ZNF484: variants seen among roughly 807,000 people sequenced by gnomAD.
The protein encoded by ZNF484 is zinc finger protein 484, also known as KRAB box containing C2H2 type zinc finger bA526D8.4.
A neutral mutation model predicts 12.9 loss-of-function variants in ZNF484; 11 were observed. The ratio of observed to expected loss-of-function variants is 0.85; its 90% CI spans 0.54 to 1.41. ZNF484 has a LOEUF of 1.41. Ranked by LOEUF, ZNF484 falls within the 40% of genes most tolerant of loss-of-function variation. The pLI is 0.00. For missense variants in ZNF484, 807 were observed against 1,007.7 expected, an observed-to-expected ratio of 0.80 and a Z score of 2.70; for synonymous variants, 289 against 334.1, an observed-to-expected ratio of 0.86 and a Z score of 1.47.
chr9:92,846,456 T>A lies in ZNF484; in HGVS notation c.2331A>T (p.Ile777=), dbSNP rs758300005. Residue 777 remains isoleucine, a synonymous_variant, in exon 5 of 5, where the codon ATA becomes ATT. Coordinates refer to ENST00000375495, the MANE Select transcript of ZNF484 (RefSeq NM_031486.4). Reference sequence around the variant, plus strand: ...TGAAGGCCTTTCCACACTCAGCACATATATATGGTTTCTCTCCTGTGTGAA... The same window carrying A: ...TGAAGGCCTTTCCACACTCAGCACAAATATATGGTTTCTCTCCTGTGTGAA... ...HRIHTGEKPY[I]CAECGKAFTI... The A allele has an allele frequency of 6.2e-7, 1 of 1,614,070 alleles. No individual in the cohort carries two copies. The highest frequency in any genetic ancestry group is 2.2e-5 in the East Asian group (1 of 44,868).
intron 2 of ZNF484, among the ~76,000 whole-genome samples, chr9:92,865,593 C>G (rs941625736): frequency 2.6e-5 from 4 of 152,152 alleles, no homozygotes; most frequent in African/African-American, 9.7e-5. Context: ...CTTTGCAAAG[C>G]TGTATGACAT....
intron 2 of ZNF484, among the ~76,000 whole-genome samples, chr9:92,861,931 ACAGT>A (rs1359644185): frequency 6.6e-6 from 1 of 152,240 alleles, no homozygotes; most frequent in Non-Finnish European, 1.5e-5. Context: ...GAACCTGAAA[ACAGT>A]CAGAGAGAAA....
At chr9:92,871,148 A>T (rs960818649) in intron 2 of ZNF484, among the ~76,000 whole-genome samples, 14 of 152,258 alleles carry the variant, frequency 9.2e-5, no homozygotes, top group African/African-American at 3.4e-4. Flanking sequence ...ATTATTTCAT[A>T]AGGATTTTAA....
intron 2 of ZNF484, 102 bp from the exon 3 acceptor site, chr9:92,856,420 G>A: frequency 2.1e-6 from 2 of 948,972 alleles, no homozygotes; most frequent in Non-Finnish European, 3.0e-6. Context: ...TTACAGAATG[G>A]AAACAAGATA....
rs149491859 is a variant in ZNF484, at chr9:92,863,527, T to A, written c.16-7209A>T. 3.3e-3 allele frequency among the ~76,000 whole-genome samples: 501 copies of A among 152,130 alleles called. 1 individual carries two copies. Among genetic ancestry groups the A allele is most frequent in the African/African-American group, 0.011 (469 of 41,518 alleles). On this transcript the variant is annotated intron_variant, in intron 2 of 4. Transcript: ENST00000375495. ...TTCATGTGAAAGAATTAAAACACCTTAGTTAGGGAGAAAATATTATTTAAC... is the reference window on the plus strand; with the variant it reads ...TTCATGTGAAAGAATTAAAACACCTAAGTTAGGGAGAAAATATTATTTAAC...
chr9:92,876,859 T>G (rs951446655), intron 1 of ZNF484, among the ~76,000 whole-genome samples: 1 of 152,140 alleles, frequency 6.6e-6, no homozygotes, highest in Admixed American at 6.5e-5. Flanking sequence ...GATAAAGATT[T>G]GAAAAATACC....
chr9:92,878,004 A>T lies in ZNF484; in HGVS notation c.-145T>A. 1 of 780,630 alleles carries T rather than the reference A, an allele frequency of 1.3e-6. No homozygotes were observed. Among genetic ancestry groups the T allele is most frequent in the Non-Finnish European group, 2.0e-6 (1 of 499,324 alleles). The allele number at this position is 780,630 out of a possible 1,614,324, so 48.4% of individuals were successfully genotyped here. A position where few individuals can be genotyped will look rare whatever the true frequency, so the allele number is the denominator to read the frequency against. ...TTTTCTCAATGCCTCCCAGGCCTAG[A>T]GGTACTTCTTACAGCGCTGCCTGGG... is the stretch of plus-strand genomic sequence containing the variant. On this transcript the variant is annotated 5_prime_UTR_variant, in exon 1 of 5. Coordinates refer to ENST00000375495, the MANE Select transcript of ZNF484 (RefSeq NM_031486.4).
In ZNF484 at chr9:92,868,439, T is replaced by G. The variant is rs555768670; in HGVS notation, c.15+6576A>C. Among the ~76,000 whole-genome samples, 3 of 152,298 alleles carry G rather than the reference T, an allele frequency of 2.0e-5. No individual in the cohort carries two copies. In the East Asian group the frequency reaches 5.8e-4, roughly 29 times the overall value. On this transcript the variant is annotated intron_variant, in intron 2 of 4. Coordinates refer to ENST00000375495, the MANE Select transcript of ZNF484 (RefSeq NM_031486.4). ...GGCAAATTCCTTCTCTGTGTAACAGTTTTCCTCCTCTGTAAAATGAGAATA... is the reference window on the plus strand; with the variant it reads ...GGCAAATTCCTTCTCTGTGTAACAGGTTTCCTCCTCTGTAAAATGAGAATA...
intron 2 of ZNF484, among the ~76,000 whole-genome samples, chr9:92,859,418 C>A (rs567344702): frequency 6.6e-6 from 1 of 152,070 alleles, no homozygotes; most frequent in South Asian, 2.1e-4. Flanking sequence ...AGTTAGTTCC[C>A]TAGAGGGAAC....
intron 2 of ZNF484, 90 bp from the exon 3 acceptor site, chr9:92,856,408 G>A (rs1488162808): frequency 2.0e-5 from 22 of 1,101,102 alleles, no homozygotes; most frequent in Non-Finnish European, 2.1e-5. Flanking sequence ...GAAGGATCGA[G>A]ATTACAGAAT....
chr9:92,867,822 G>C (rs770414420), intron 2 of ZNF484, among the ~76,000 whole-genome samples: 1 of 152,172 alleles, frequency 6.6e-6, no homozygotes, highest in South Asian at 2.1e-4. Context: ...CTATAAGCAT[G>C]AGTATAATGG....
chr9:92,860,883 G>C (rs1035968888), intron 2 of ZNF484, among the ~76,000 whole-genome samples: 10 of 152,150 alleles, frequency 6.6e-5, no homozygotes, highest in African/African-American at 2.4e-4. Context: ...CCAATAGAGA[G>C]TGGAGGATGG....
intron 2 of ZNF484, among the ~76,000 whole-genome samples, chr9:92,874,310 CTTTTTT>C (rs34348573): frequency 2.9e-5 from 4 of 137,548 alleles, no homozygotes; most frequent in Non-Finnish European, 3.1e-5. Flanking sequence ...TTCTTTCTTT[CTTTTTT>C]TTTTTTTTTT....
In ZNF484 at chr9:92,856,333, AAAC is replaced by A. The variant is rs1231072159; in HGVS notation, c.16-18_16-16del. 7.1e-6 allele frequency: 11 copies of A among 1,538,576 alleles called. No individual in the cohort carries two copies. Among genetic ancestry groups the A allele is most frequent in the Non-Finnish European group, 8.7e-6 (10 of 1,148,362 alleles). On this transcript the variant is annotated splice_polypyrimidine_tract_variant and intron_variant, in intron 2 of 4. Coordinates refer to ENST00000375495, the MANE Select transcript of ZNF484 (RefSeq NM_031486.4). ...GACACTGATTCCTGTTAAAAAAAAAAAACAAACTTTAAAATAATTTTTTAAAGA... is the reference window on the plus strand; with the variant it reads ...GACACTGATTCCTGTTAAAAAAAAAAAAACTTTAAAATAATTTTTTAAAGA...
intron 2 of ZNF484, among the ~76,000 whole-genome samples, chr9:92,858,198 A>G (rs1038788308): frequency 6.6e-6 from 1 of 152,246 alleles, no homozygotes; most frequent in African/African-American, 2.4e-5. Context: ...GTTGGTTCTT[A>G]TAATAAAGAA....
chr9:92,868,102 A>G (rs1417038268), intron 2 of ZNF484, among the ~76,000 whole-genome samples: 1 of 152,206 alleles, frequency 6.6e-6, no homozygotes, highest in Non-Finnish European at 1.5e-5. Context: ...TCTGGAGGTC[A>G]TATGTCCAAA....
chr9:92,846,209 C>G lies in ZNF484; in HGVS notation c.*19G>C, dbSNP rs762181534. 6.2e-7 allele frequency: 1 copy of G among 1,604,016 alleles called. No individual in the cohort carries two copies. The highest frequency in any genetic ancestry group is 1.3e-5 in the African/African-American group (1 of 74,478). Reference sequence around the variant, plus strand: ...GTAACTACACATCAGCTATATGATCCAGATGTTCATAATTCTAACTAGATA... The same window carrying G: ...GTAACTACACATCAGCTATATGATCGAGATGTTCATAATTCTAACTAGATA... On this transcript the variant is annotated 3_prime_UTR_variant, in exon 5 of 5. Coordinates refer to ENST00000375495, the MANE Select transcript of ZNF484 (RefSeq NM_031486.4).
intron 2 of ZNF484, among the ~76,000 whole-genome samples, chr9:92,863,383 A>G (rs1212253937): frequency 6.6e-6 from 1 of 152,128 alleles, no homozygotes; most frequent in Non-Finnish European, 1.5e-5. Context: ...TACCTATGCA[A>G]CAAACCTGCA....
In ZNF484 at chr9:92,866,711, A is replaced by G. The variant is rs143096934; in HGVS notation, c.15+8304T>C. ...GCACACGTATGTTTACTGCAGCACT[A>G]TTTACAATAGCAAAGACACAGAACC... is the stretch of plus-strand genomic sequence containing the variant. On this transcript the variant is annotated intron_variant, in intron 2 of 4. Transcript: ENST00000375495. 3.8e-3 allele frequency among the ~76,000 whole-genome samples: 576 copies of G among 152,338 alleles called. 1 individual carries two copies. Among genetic ancestry groups the G allele is most frequent in the African/African-American group, 0.013 (540 of 41,572 alleles).
Sources: allele counts gnomAD v4.1 joint callset (sites outside exome capture counted in the v4.1 genomes callset), GRCh38; gene constraint gnomAD v4.1.1; transcripts MANE v1.5; gene names NCBI Gene and HGNC (gene_info 2026-07-23, HGNC 2026-07-21).